Variants in NMNAT3 observed in about 807,000 individuals in gnomAD.
NMNAT3 encodes nicotinamide nucleotide adenylyltransferase 3, also known as nicotinamide/nicotinic acid mononucleotide adenylyltransferase 3.
Under a neutral mutation model 24.8 loss-of-function variants are expected in NMNAT3, and 21 were observed. The ratio of observed to expected loss-of-function variants is 0.85; its 90% CI spans 0.60 to 1.22. The LOEUF is 1.22. Among genes scored for constraint, NMNAT3 ranks in the 50% most tolerant of loss-of-function variants. The probability of loss-of-function intolerance (pLI) is 0.00; values close to 1 mark genes in which losing one functional copy is unlikely to be tolerated. For missense variants in NMNAT3, 387 were observed against 436.6 expected (o/e 0.89, Z 1.01); for synonymous variants, 136 against 155.2 (o/e 0.88, Z 0.92).
At chr3:139,670,078 AC>A (rs1414472461) in intron 1 of NMNAT3, among the ~76,000 whole-genome samples, 1 of 152,184 alleles carries the variant, frequency 6.6e-6, no homozygotes, top group African/African-American at 2.4e-5. Context: ...TTTTTCTCAA[AC>A]TTTTGGGGTT....
At chr3:139,605,624 C>G (rs577111245) in intron 3 of NMNAT3, among the ~76,000 whole-genome samples, 1 of 152,262 alleles carries the variant, frequency 6.6e-6, no homozygotes, top group East Asian at 1.9e-4. Context: ...AAGCCAATTG[C>G]CAGAATTTCT....
At chr3:139,636,187 G>A (rs1243010069) in intron 2 of NMNAT3, 1 of 152,124 alleles carries the variant, frequency 6.6e-6, no homozygotes, top group African/African-American at 2.4e-5. Context: ...TAACTGCTAT[G>A]CCAATATTTA....
At chr3:139,582,217 A>T (rs552118426) in intron 4 of NMNAT3, among the ~76,000 whole-genome samples, 1 of 151,560 alleles carries the variant, frequency 6.6e-6, no homozygotes, top group Admixed American at 6.6e-5. Context: ...AAAAAAAAGA[A>T]AAAAAAACCA....
At chr3:139,667,348 C>T (rs901868902) in intron 1 of NMNAT3, among the ~76,000 whole-genome samples, 2 of 152,030 alleles carry the variant, frequency 1.3e-5, no homozygotes, top group Admixed American at 6.5e-5. Context: ...TTGCATTTCC[C>T]TGATGTTAGT....
At chr3:139,589,160 T>C (rs1410360605) in intron 3 of NMNAT3, among the ~76,000 whole-genome samples, 1 of 152,196 alleles carries the variant, frequency 6.6e-6, no homozygotes, top group Admixed American at 6.5e-5. Flanking sequence ...TTGCAGGAAT[T>C]GTATGCAGGA....
chr3:139,630,552 G>A (rs1229303970), intron 2 of NMNAT3, among the ~76,000 whole-genome samples: 1 of 152,164 alleles, frequency 6.6e-6, no homozygotes, highest in African/African-American at 2.4e-5. Context: ...AAGGGAAGTG[G>A]TGTTTTCTCC....
At chr3:139,566,509 G>A (rs1485832181) in intron 6 of NMNAT3, 4 of 152,148 alleles carry the variant, frequency 2.6e-5, no homozygotes, top group African/African-American at 9.7e-5. Flanking sequence ...TAACATTTAA[G>A]TCTTTAATCC....
At chr3:139,615,105 G>T (rs2055423354) in intron 3 of NMNAT3, among the ~76,000 whole-genome samples, 1 of 152,140 alleles carries the variant, frequency 6.6e-6, no homozygotes, top group African/African-American at 2.4e-5. Flanking sequence ...TTATGTTCAA[G>T]TTGTCCTCAG....
At chr3:139,576,612 G>A (rs1178843384) in intron 5 of NMNAT3, among the ~76,000 whole-genome samples, 1 of 152,176 alleles carries the variant, frequency 6.6e-6, no homozygotes, top group Non-Finnish European at 1.5e-5. Context: ...GAAGCTGTGA[G>A]CTAGCCATAT....
intron 3 of NMNAT3, among the ~76,000 whole-genome samples, chr3:139,601,823 G>A (rs756669717): frequency 3.9e-5 from 6 of 152,174 alleles, no homozygotes; most frequent in South Asian, 2.1e-4. Context: ...GTTGGAACAC[G>A]TTTTCTGGAG....
intron 6 of NMNAT3, among the ~76,000 whole-genome samples, chr3:139,562,642 G>A (rs1936580377): frequency 6.6e-6 from 1 of 152,204 alleles, no homozygotes; most frequent in Non-Finnish European, 1.5e-5. Flanking sequence ...AGAGAGATGA[G>A]TTCACACAAA....
chr3:139,596,959 TATA>T (rs1559891350), intron 3 of NMNAT3, among the ~76,000 whole-genome samples: 5 of 111,562 alleles, frequency 4.5e-5, no homozygotes, highest in South Asian at 2.5e-4. Context: ...TATATATATA[TATA>T]TATTTTTATT....
chr3:139,642,335 G>A (rs1462005887), intron 1 of NMNAT3, among the ~76,000 whole-genome samples: 2 of 152,218 alleles, frequency 1.3e-5, no homozygotes, highest in South Asian at 2.1e-4. Context: ...CTCTAATGGT[G>A]TGTACACTTT....
intron 3 of NMNAT3, among the ~76,000 whole-genome samples, chr3:139,599,714 A>G (rs1168025695): frequency 1.3e-5 from 2 of 152,234 alleles, no homozygotes; most frequent in East Asian, 3.9e-4. Context: ...TATTTTCCTT[A>G]TCAGTCTTCA....
chr3:139,668,792 A>G (rs2108448854), intron 1 of NMNAT3, among the ~76,000 whole-genome samples: 1 of 152,336 alleles, frequency 6.6e-6, no homozygotes, highest in East Asian at 1.9e-4. Flanking sequence ...AGGCTTGGGT[A>G]TCAGTCAATG....
At chr3:139,582,493 T>G (rs1010469335) in intron 4 of NMNAT3, among the ~76,000 whole-genome samples, 2 of 151,026 alleles carry the variant, frequency 1.3e-5, no homozygotes, top group African/African-American at 4.9e-5. Context: ...AATACAAAAT[T>G]TAGGCAGGTG....
intron 1 of NMNAT3, among the ~76,000 whole-genome samples, chr3:139,676,319 T>C (rs1397615077): frequency 1.3e-5 from 2 of 152,240 alleles, no homozygotes; most frequent in Admixed American, 1.3e-4. Flanking sequence ...AGATGTTTCC[T>C]GAAACCTAAA....
At chr3:139,595,736 G>C (rs1370332532) in intron 3 of NMNAT3, among the ~76,000 whole-genome samples, 1 of 152,114 alleles carries the variant, frequency 6.6e-6, no homozygotes, top group South Asian at 2.1e-4. Flanking sequence ...AATAAATGGT[G>C]CTGGGAAAAC....
At chr3:139,599,434 C>T (rs1210254469) in intron 3 of NMNAT3, 2 of 701,836 alleles carry the variant, frequency 2.8e-6, no homozygotes, top group Non-Finnish European at 5.2e-6. Flanking sequence ...GGCTGAAGTG[C>T]ACCCTGGGAA....
Sources: allele counts gnomAD v4.1 joint callset (sites outside exome capture counted in the v4.1 genomes callset), GRCh38; gene constraint gnomAD v4.1.1; transcripts MANE v1.5; gene names NCBI Gene and HGNC (gene_info 2026-07-23, HGNC 2026-07-21).